Variants in PSD3 observed in about 807,000 individuals in gnomAD.
PSD3 encodes the protein pleckstrin and Sec7 domain containing 3, also known as PH and SEC7 domain-containing protein 3.
A neutral mutation model predicts 105.5 loss-of-function variants in PSD3; 49 were observed. That is an observed-to-expected ratio of 0.46 (90% confidence interval 0.37 to 0.59). The LOEUF (loss-of-function observed/expected upper bound fraction) is 0.59, where lower values mean the gene tolerates loss of function less well. Ranked by LOEUF, PSD3 falls within the 20% of genes least tolerant of loss-of-function variation. PSD3 has a pLI of 0.00. For synonymous variants in PSD3, 557 were observed against 457.8 expected, an observed-to-expected ratio of 1.22 and a Z score of -2.77; for missense variants, 1,561 against 1,263.8, an observed-to-expected ratio of 1.24 and a Z score of -3.57.
chr8:18,911,860 C>G (rs866600747), intron 2 of PSD3, among the ~76,000 whole-genome samples: 3 of 152,066 alleles, frequency 2.0e-5, no homozygotes, highest in African/African-American at 7.2e-5. Flanking sequence ...TTTGAACACC[C>G]CAAATTAAGA....
intron 1 of PSD3, among the ~76,000 whole-genome samples, chr8:19,073,390 A>G (rs1169694240): frequency 1.3e-5 from 2 of 151,982 alleles, no homozygotes; most frequent in African/African-American, 4.8e-5. Flanking sequence ...ATCTCTACCA[A>G]TAATACAAAA....
intron 9 of PSD3, among the ~76,000 whole-genome samples, chr8:18,755,010 G>A (rs949015069): frequency 6.6e-6 from 1 of 152,058 alleles, no homozygotes; most frequent in East Asian, 1.9e-4. Context: ...TCAGTCTCCT[G>A]ACATATCATA....
At chr8:19,060,733 T>C (rs920603893) in intron 1 of PSD3, among the ~76,000 whole-genome samples, 1 of 152,218 alleles carries the variant, frequency 6.6e-6, no homozygotes, top group Non-Finnish European at 1.5e-5. Context: ...CTGTTATACC[T>C]GTTTTCCACT....
chr8:18,609,017 T>C (rs1563374040), intron 11 of PSD3, among the ~76,000 whole-genome samples: 1 of 152,202 alleles, frequency 6.6e-6, no homozygotes. Context: ...ATGTTTACTA[T>C]CAGAAAGTCA....
rs548223831 is a variant in PSD3, at chr8:18,527,934, T to C, written c.*7809A>G. 1 of 152,322 alleles carries C rather than the reference T, an allele frequency of 6.6e-6. No individual in the cohort carries two copies. Among genetic ancestry groups the C allele is most frequent in the East Asian group, 1.9e-4 (1 of 5,192 alleles). 9.4% of individuals were successfully genotyped at this position (152,322 alleles called of 1,614,324 possible). ...GGGACATATGGCACCAGGACTGCAA[T>C]AGAACTGAAATGATTGGTGGAGAAA... On this transcript the variant is annotated 3_prime_UTR_variant, in exon 16 of 16. Coordinates refer to ENST00000327040, the MANE Select transcript of PSD3 (RefSeq NM_015310.4).
chr8:18,996,201 T>C (rs1237144849), intron 1 of PSD3, among the ~76,000 whole-genome samples: 1 of 151,768 alleles, frequency 6.6e-6, no homozygotes, highest in Non-Finnish European at 1.5e-5. Context: ...GCAATGAACA[T>C]TTAGTTGACT....
chr8:18,750,132 A>C (rs1280282869), intron 9 of PSD3, among the ~76,000 whole-genome samples: 1 of 152,170 alleles, frequency 6.6e-6, no homozygotes, highest in African/African-American at 2.4e-5. Context: ...ATTCTCCTTC[A>C]TATTATATCC....
chr8:18,812,184 G>C (rs1366965802), intron 4 of PSD3, among the ~76,000 whole-genome samples: 2 of 152,142 alleles, frequency 1.3e-5, no homozygotes, highest in African/African-American at 2.4e-5. Context: ...ATCTGATGTT[G>C]ACGCTGAACT....
At chr8:18,990,244 T>G (rs902393462) in intron 1 of PSD3, among the ~76,000 whole-genome samples, 4 of 152,248 alleles carry the variant, frequency 2.6e-5, no homozygotes, top group Admixed American at 1.3e-4. Flanking sequence ...TTCAGTGACC[T>G]TCCATGTTCA....
intron 4 of PSD3, among the ~76,000 whole-genome samples, chr8:18,839,649 T>C (rs1296739539): frequency 6.6e-6 from 1 of 152,158 alleles, no homozygotes; most frequent in Non-Finnish European, 1.5e-5. Context: ...TCAGAAGGTT[T>C]TGCAGCTCCA....
intron 2 of PSD3, among the ~76,000 whole-genome samples, chr8:18,927,451 A>C (rs1242892968): frequency 6.6e-6 from 1 of 152,060 alleles, no homozygotes; most frequent in African/African-American, 2.4e-5. Flanking sequence ...TGACCTCGTG[A>C]TCCACCCTCC....
At chr8:18,656,764 A>G (rs2130857506) in intron 9 of PSD3, among the ~76,000 whole-genome samples, 1 of 152,138 alleles carries the variant, frequency 6.6e-6, no homozygotes. Context: ...GCTGCAGTGC[A>G]GCGACTATTC....
chr8:18,634,078 T>C (rs373930783), intron 10 of PSD3, among the ~76,000 whole-genome samples: 2 of 152,152 alleles, frequency 1.3e-5, no homozygotes, highest in African/African-American at 4.8e-5. Context: ...GAGAACAGTC[T>C]GCTCATGTCC....
Position 18,556,106 on chromosome 8 carries a change from G to T in PSD3, c.2928+103C>A. ...GCTCCCAAATTAGAGCCAGGGGCAA[G>T]ACACGCCTCTCTCAGTGACACTGCA... On this transcript the variant is annotated intron_variant, in intron 15 of 15. Transcript: ENST00000327040. 3 of 1,371,878 alleles carry T rather than the reference G, an allele frequency of 2.2e-6. No individual in the cohort carries two copies. The South Asian group carries it at 4.6e-5, about 21-fold the overall frequency. 85.0% of individuals were successfully genotyped at this position (1,371,878 alleles called of 1,614,324 possible). A position where few individuals can be genotyped will look rare whatever the true frequency, so the allele number is the denominator to read the frequency against.
intron 1 of PSD3, among the ~76,000 whole-genome samples, chr8:19,063,949 C>G (rs1828987613): frequency 1.3e-5 from 2 of 152,060 alleles, no homozygotes; most frequent in Non-Finnish European, 2.9e-5. Context: ...CGAGACCAGC[C>G]TGACCAACAT....
intron 14 of PSD3, 71 bp downstream of exon 14, chr8:18,572,457 A>T (rs1007211532): frequency 1.9e-6 from 3 of 1,550,262 alleles, no homozygotes; most frequent in Non-Finnish European, 2.6e-6. Context: ...CTACTATCCA[A>T]AGACAAATAT....
chr8:19,017,870 T>C (rs1827226827), upstream of PSD3, among the ~76,000 whole-genome samples: 1 of 152,234 alleles, frequency 6.6e-6, no homozygotes, highest in Non-Finnish European at 1.5e-5. Context: ...TATAAAAATT[T>C]ATGTACAAGT....
intron 9 of PSD3, among the ~76,000 whole-genome samples, chr8:18,755,652 T>C (rs952177260): frequency 6.6e-6 from 1 of 152,062 alleles, no homozygotes; most frequent in Non-Finnish European, 1.5e-5. Flanking sequence ...CCACCACCAC[T>C]CAAACTTTTT....
At chr8:18,819,048 A>AT (rs1812469176) in intron 4 of PSD3, among the ~76,000 whole-genome samples, 1 of 133,058 alleles carries the variant, frequency 7.5e-6, no homozygotes, top group Non-Finnish European at 1.6e-5. Flanking sequence ...AGGACTTAAG[A>AT]AAGTGAACTG....
Sources: allele counts gnomAD v4.1 joint callset (sites outside exome capture counted in the v4.1 genomes callset), GRCh38; gene constraint gnomAD v4.1.1; transcripts MANE v1.5; gene names NCBI Gene and HGNC (gene_info 2026-07-23, HGNC 2026-07-21).